MINDY2: variants seen among roughly 807,000 people sequenced by gnomAD.
MINDY2 encodes ubiquitin carboxyl-terminal hydrolase MINDY-2.
Under a neutral mutation model 68.2 loss-of-function variants are expected in MINDY2, and 52 were observed. The ratio of observed to expected loss-of-function variants is 0.76; its 90% CI spans 0.61 to 0.96. The LOEUF (loss-of-function observed/expected upper bound fraction) is 0.96, where lower values mean the gene tolerates loss of function less well. Ranked by LOEUF, MINDY2 falls within the 40% of genes least tolerant of loss-of-function variation. MINDY2 has a pLI of 0.00. For synonymous variants in MINDY2, 372 were observed against 303.0 expected, an observed-to-expected ratio of 1.23 and a Z score of -2.36; for missense variants, 881 against 773.4, an observed-to-expected ratio of 1.14 and a Z score of -1.65.
At chr15:58,809,000 C>T (rs1390902633) in intron 3 of MINDY2, among the ~76,000 whole-genome samples, 1 of 152,178 alleles carries the variant, frequency 6.6e-6, no homozygotes, top group Non-Finnish European at 1.5e-5. Context: ...CACTTGAGCT[C>T]AGAAATTCAG....
intron 1 of MINDY2, among the ~76,000 whole-genome samples, chr15:58,786,813 G>A (rs746191215): frequency 5.3e-5 from 8 of 152,006 alleles, no homozygotes; most frequent in Non-Finnish European, 1.2e-4. Flanking sequence ...TTTTTATAGC[G>A]TCCGTTTCTT....
intron 2 of MINDY2, among the ~76,000 whole-genome samples, chr15:58,800,341 C>T (rs1307567245): frequency 6.6e-6 from 1 of 152,170 alleles, no homozygotes; most frequent in Non-Finnish European, 1.5e-5. Flanking sequence ...AATTAGCCTA[C>T]ATATCAGTGT....
chr15:58,838,138 C>G (rs2032094306), intron 6 of MINDY2, among the ~76,000 whole-genome samples: 1 of 151,994 alleles, frequency 6.6e-6, no homozygotes, highest in South Asian at 2.1e-4. Flanking sequence ...TGGTTCACGC[C>G]TGTAATCCCA....
chr15:58,817,345 C>T (rs1437558390), intron 4 of MINDY2, among the ~76,000 whole-genome samples: 3 of 152,182 alleles, frequency 2.0e-5, no homozygotes, highest in Admixed American at 2.0e-4. Context: ...GGCCAATGAA[C>T]ATATGAATTG....
chr15:58,787,495 T>A (rs1901585036), intron 1 of MINDY2, among the ~76,000 whole-genome samples: 1 of 151,364 alleles, frequency 6.6e-6, no homozygotes, highest in Non-Finnish European at 1.5e-5. Context: ...CCCAGCACTT[T>A]GGGAGGCCGA....
chr15:58,773,118 G>T (rs1170857736), intron 1 of MINDY2, among the ~76,000 whole-genome samples: 1 of 142,378 alleles, frequency 7.0e-6, no homozygotes, highest in Non-Finnish European at 1.5e-5. Flanking sequence ...TATATCTGTA[G>T]ATGCAATGTT....
intron 8 of MINDY2, among the ~76,000 whole-genome samples, chr15:58,852,351 A>C (rs1199630257): frequency 1.6e-4 from 25 of 151,584 alleles, no homozygotes; most frequent in Admixed American, 7.9e-4. Context: ...AAAAATTTTA[A>C]ATTAGGTGTT....
At chr15:58,822,967 A>G (rs991071611) in intron 5 of MINDY2, among the ~76,000 whole-genome samples, 25 of 152,202 alleles carry the variant, frequency 1.6e-4, no homozygotes, top group African/African-American at 6.0e-4. Context: ...TAACGACTAC[A>G]GGAGCATATG....
At chr15:58,828,804 G>A (rs902433032) in intron 5 of MINDY2, among the ~76,000 whole-genome samples, 11 of 151,612 alleles carry the variant, frequency 7.3e-5, no homozygotes, top group Admixed American at 1.3e-4. Flanking sequence ...CTCATGATCC[G>A]CCCGCCTTCC....
intron 8 of MINDY2, among the ~76,000 whole-genome samples, chr15:58,852,590 T>C (rs2032875335): frequency 2.0e-5 from 3 of 152,136 alleles, no homozygotes; most frequent in Admixed American, 6.6e-5. Context: ...GCCAGATAAA[T>C]GTGGATTTGC....
intron 6 of MINDY2, among the ~76,000 whole-genome samples, chr15:58,844,546 C>G (rs539406625): frequency 4.1e-4 from 43 of 104,002 alleles, no homozygotes; most frequent in African/African-American, 1.6e-3. Flanking sequence ...GGCGACAGAG[C>G]GAGACTCCGT....
intron 6 of MINDY2, among the ~76,000 whole-genome samples, chr15:58,839,345 T>TG (rs71119407): frequency 0.039 from 5,878 of 151,978 alleles, 386 homozygotes; most frequent in African/African-American, 0.13. Flanking sequence ...TTTGTTTGTT[T>TG]TTTTGAGATG....
chr15:58,827,489 A>G (rs1370333329), intron 5 of MINDY2, among the ~76,000 whole-genome samples: 2 of 151,978 alleles, frequency 1.3e-5, no homozygotes, highest in South Asian at 4.1e-4. Flanking sequence ...GACAGAACGG[A>G]GTCTTGTTGT....
intron 5 of MINDY2, among the ~76,000 whole-genome samples, chr15:58,825,146 A>T (rs1245496413): frequency 6.6e-6 from 1 of 152,218 alleles, no homozygotes; most frequent in Non-Finnish European, 1.5e-5. Flanking sequence ...TTAAAAATTC[A>T]AACATTTTAT....
At position 58,859,803 on chromosome 15, in the gene MINDY2, A is replaced by AT. The variant is rs1355256732; in HGVS notation, c.*5200dup. The AT allele has an allele frequency of 6.6e-6, 1 of 152,104 alleles. No homozygotes were observed. Among genetic ancestry groups the AT allele is most frequent in the African/African-American group, 2.4e-5 (1 of 41,396 alleles). The allele number at this position is 152,104 out of a possible 1,614,324, so 9.4% of individuals were successfully genotyped here. On this transcript the variant is annotated 3_prime_UTR_variant, in exon 9 of 9. Coordinates refer to ENST00000559228, the MANE Select transcript of MINDY2 (RefSeq NM_001040450.3). The stretch of plus-strand genomic sequence containing the variant: ...GTTTAATAAATTGTGATACGCATAT[A>AT]TTTTTTTACATGAAGGATTCTACTT...
chr15:58,802,572 A>G (rs1257344918), intron 3 of MINDY2, among the ~76,000 whole-genome samples, 195 bp downstream of exon 3: 1 of 151,988 alleles, frequency 6.6e-6, no homozygotes, highest in African/African-American at 2.4e-5. Context: ...TATGAAATCC[A>G]TTTTTAGCTC....
intron 1 of MINDY2, among the ~76,000 whole-genome samples, chr15:58,775,352 A>G (rs1900708605): frequency 6.6e-6 from 1 of 152,206 alleles, no homozygotes; most frequent in Non-Finnish European, 1.5e-5. Context: ...TTTAGTAGAG[A>G]AAAACAGTAA....
rs1302767737 is a variant in MINDY2, at chr15:58,858,685, T to C, written c.*4075T>C. The stretch of plus-strand genomic sequence containing the variant: ...CATTTGATTAACTTTTCCTATTCCA[T>C]GCACAAGTTACCTTAAAACATGATA... On this transcript the variant is annotated 3_prime_UTR_variant, in exon 9 of 9. Transcript: ENST00000559228. The C allele has an allele frequency of 6.6e-6, 1 of 152,118 alleles. No homozygotes were observed. The highest frequency in any genetic ancestry group is 2.4e-5 in the African/African-American group (1 of 41,430). The allele number at this position is 152,118 out of a possible 1,614,324, so 9.4% of individuals were successfully genotyped here.
chr15:58,855,286 T>G lies in MINDY2; in HGVS notation c.*676T>G, dbSNP rs1177099959. On this transcript the variant is annotated 3_prime_UTR_variant, in exon 9 of 9. Coordinates refer to ENST00000559228, the MANE Select transcript of MINDY2 (RefSeq NM_001040450.3). The stretch of plus-strand genomic sequence containing the variant: ...GCAAAAAGTTACATAACACTAATAC[T>G]TATAACCTATCAATATCAGATATTA... 5 of 152,628 alleles carry G rather than the reference T, an allele frequency of 3.3e-5. No individual in the cohort carries two copies. The East Asian group carries it at 9.6e-4, about 29-fold the overall frequency. 9.5% of individuals were successfully genotyped at this position (152,628 alleles called of 1,614,324 possible).
Sources: allele counts gnomAD v4.1 joint callset (sites outside exome capture counted in the v4.1 genomes callset), GRCh38; gene constraint gnomAD v4.1.1; transcripts MANE v1.5; gene names NCBI Gene and HGNC (gene_info 2026-07-23, HGNC 2026-07-21).